The following CDH13 variants were observed in gnomAD, a reference collection of about 807,000 sequenced individuals.
The protein encoded by CDH13 is cadherin 13.
Under a neutral mutation model 63.8 loss-of-function variants are expected in CDH13, and 24 were observed. The ratio of observed to expected loss-of-function variants is 0.38; its 90% CI spans 0.27 to 0.53. The LOEUF is 0.53. CDH13 is among the 20% of genes least tolerant of loss of function. The probability of loss-of-function intolerance (pLI) is 0.85; values close to 1 mark genes in which losing one functional copy is unlikely to be tolerated. For synonymous variants in CDH13, 503 were observed against 355.3 expected, an observed-to-expected ratio of 1.42 and a Z score of -4.67; for missense variants, 1,049 against 903.1, an observed-to-expected ratio of 1.16 and a Z score of -2.07.
rs1228484426 is a variant in CDH13 at position 83,796,049 on chromosome 16, ATAGAG to A, written c.*1022_*1026del. On this transcript the variant is annotated 3_prime_UTR_variant, in exon 14 of 14. Transcript: ENST00000567109. The stretch of plus-strand genomic sequence containing the variant: ...TTTGTTTCATATATACAGGCATAAA[ATAGAG>A]TAAATACAGGTAGTTTTAAAAGTAC... 1 of 152,674 alleles carries A rather than the reference ATAGAG, an allele frequency of 6.5e-6. No homozygotes were observed. Among genetic ancestry groups the A allele is most frequent in the African/African-American group, 2.4e-5 (1 of 41,468 alleles). 9.5% of individuals were successfully genotyped at this position (152,674 alleles called of 1,614,324 possible).
chr16:82,719,574 A>T, intron 1 of CDH13: 1 of 385,654 alleles, frequency 2.6e-6, no homozygotes, highest in South Asian at 1.9e-5. Flanking sequence ...GGATGGGCGC[A>T]GTGGCTTGTG....
intron 4 of CDH13, among the ~76,000 whole-genome samples, chr16:83,198,370 GA>G (rs2038935854): frequency 6.6e-6 from 1 of 151,294 alleles, no homozygotes; most frequent in South Asian, 2.1e-4. Flanking sequence ...ACCAGCTCAA[GA>G]ATAAATATGT....
In CDH13 at chr16:82,644,899, T is replaced by C. The variant is rs1406167290; in HGVS notation, c.45+17762T>C. Among the ~76,000 whole-genome samples, 1 of 152,210 alleles carries C rather than the reference T, an allele frequency of 6.6e-6. No homozygotes were observed. Among genetic ancestry groups the C allele is most frequent in the South Asian group, 2.1e-4 (1 of 4,822 alleles). ...TTCCATGGGAGGTTAATATGGGTTC[T>C]GGGGAAAAAAAATTAGGGGAATCAA... On this transcript the variant is annotated intron_variant, in intron 1 of 13. Coordinates refer to ENST00000567109, the MANE Select transcript of CDH13 (RefSeq NM_001257.5). The surrounding 1 kb of genome is among the most constrained non-coding windows in gnomAD (Gnocchi z 5.7).
intron 4 of CDH13, among the ~76,000 whole-genome samples, chr16:83,179,063 T>C (rs2038242557): frequency 6.6e-6 from 1 of 152,200 alleles, no homozygotes; most frequent in Non-Finnish European, 1.5e-5. Flanking sequence ...TGCGCCACCC[T>C]ATTGGCAATT....
chr16:83,257,137 G>A (rs1049077118), intron 5 of CDH13, among the ~76,000 whole-genome samples: 34 of 152,074 alleles, frequency 2.2e-4, no homozygotes, highest in Admixed American at 2.2e-3. Context: ...GGGGATGGAG[G>A]AAGGTTTCTT....
At position 83,215,073 on chromosome 16, in the gene CDH13, C is replaced by CTTTTTT. The variant is rs571565652; in HGVS notation, c.484-2256_484-2251dup. The stretch of plus-strand genomic sequence containing the variant: ...TTTCATCAGAGAGTATCAAACACCT[C>CTTTTTT]TTTTTTTTTTTTTTTTTTTTTGAGA... On this transcript the variant is annotated intron_variant, in intron 4 of 13. Coordinates refer to ENST00000567109, the MANE Select transcript of CDH13 (RefSeq NM_001257.5). Among the ~76,000 whole-genome samples the CTTTTTT allele has an allele frequency of 1.9e-3, 106 of 56,236 alleles. 34 individuals carry two copies. Among genetic ancestry groups the CTTTTTT allele is most frequent in the African/African-American group, 5.2e-3 (72 of 13,908 alleles). 36.9% of individuals were successfully genotyped at this position (56,236 alleles called of 152,430 possible).
chr16:82,996,939 A>C (rs1395706972), intron 2 of CDH13, among the ~76,000 whole-genome samples: 1 of 147,938 alleles, frequency 6.8e-6, no homozygotes, highest in Non-Finnish European at 1.5e-5. Context: ...GATAATTACG[A>C]TGGTGTTGTT....
intron 3 of CDH13, among the ~76,000 whole-genome samples, chr16:83,089,041 G>C (rs1597313095): frequency 6.6e-6 from 1 of 152,062 alleles, no homozygotes; most frequent in Non-Finnish European, 1.5e-5. Context: ...TTACTACCTG[G>C]TTCTTTATAG....
At chr16:83,053,427 G>A (rs2030595696) in intron 3 of CDH13, among the ~76,000 whole-genome samples, 1 of 152,050 alleles carries the variant, frequency 6.6e-6, no homozygotes, top group African/African-American at 2.4e-5. Flanking sequence ...TTAGGATAAT[G>A]CAGATAAGAT....
intron 1 of CDH13, among the ~76,000 whole-genome samples, chr16:82,732,215 G>T (rs1260552929): frequency 6.6e-6 from 1 of 152,050 alleles, no homozygotes; most frequent in Non-Finnish European, 1.5e-5. Flanking sequence ...TCGTGTCTTT[G>T]GAGTCTTACG....
At chr16:82,781,820 A>G (rs2035768301) in intron 1 of CDH13, among the ~76,000 whole-genome samples, 1 of 152,230 alleles carries the variant, frequency 6.6e-6, no homozygotes, top group South Asian at 2.1e-4. Context: ...CTGTCCTTAA[A>G]GAGCTTAGGA....
chr16:83,011,998 A>G (rs1293965516), intron 2 of CDH13, among the ~76,000 whole-genome samples: 1 of 152,166 alleles, frequency 6.6e-6, no homozygotes, highest in East Asian at 1.9e-4. Flanking sequence ...TTTTGTGTTC[A>G]GATCACTAGA....
chr16:82,904,499 A>G (rs2041578193), intron 2 of CDH13, among the ~76,000 whole-genome samples: 1 of 152,224 alleles, frequency 6.6e-6, no homozygotes, highest in Non-Finnish European at 1.5e-5. Context: ...GAGACGGGGG[A>G]AAACTATTAG....
At chr16:83,749,275 C>G (rs1362711085) in intron 11 of CDH13, among the ~76,000 whole-genome samples, 1 of 152,142 alleles carries the variant, frequency 6.6e-6, no homozygotes, top group Admixed American at 6.5e-5. Flanking sequence ...CGTATGCCGG[C>G]TACTCACACA....
At chr16:82,722,281 G>A (rs191394489) in intron 1 of CDH13, among the ~76,000 whole-genome samples, 1 of 152,134 alleles carries the variant, frequency 6.6e-6, no homozygotes, top group Non-Finnish European at 1.5e-5. Flanking sequence ...CTTGAATCTT[G>A]TTAAATGGTT....
chr16:82,684,778 G>A (rs1914893780), intron 1 of CDH13, among the ~76,000 whole-genome samples: 2 of 152,210 alleles, frequency 1.3e-5, no homozygotes, highest in African/African-American at 2.4e-5. Context: ...CTGCAAACAT[G>A]ACTTGCAGGC....
intron 1 of CDH13, among the ~76,000 whole-genome samples, chr16:82,730,000 C>T (rs2033313858): frequency 6.6e-6 from 1 of 152,168 alleles, no homozygotes; most frequent in Non-Finnish European, 1.5e-5. Context: ...CCTCTCTCAG[C>T]CTTCAGAAAA....
intron 6 of CDH13, among the ~76,000 whole-genome samples, chr16:83,359,263 C>T (rs949864038): frequency 2.6e-5 from 4 of 152,130 alleles, no homozygotes; most frequent in Admixed American, 6.6e-5. Context: ...AACATGTTAT[C>T]TTACCTCTCT....
chr16:83,732,738 G>C (rs955081434), intron 10 of CDH13, among the ~76,000 whole-genome samples: 2 of 152,186 alleles, frequency 1.3e-5, no homozygotes, highest in African/African-American at 4.8e-5. Flanking sequence ...CTCAGTACTT[G>C]ACACCCCTGA....
Sources: gnomAD v4.1 joint callset for allele counts (sites outside exome capture counted in the v4.1 genomes callset) on GRCh38, gnomAD v4.1.1 for gene constraint, Gnocchi (gnomAD v3.1) non-coding constraint, MANE v1.5 for transcripts, NCBI Gene and HGNC (gene_info 2026-07-23, HGNC 2026-07-21) for gene names.